HEXA: variants seen among roughly 807,000 people sequenced by gnomAD.
The protein encoded by HEXA is hexosaminidase subunit alpha.
HEXA carries 54 observed loss-of-function variants against 73.3 expected under a neutral mutation model. The ratio of observed to expected loss-of-function variants is 0.74; its 90% CI spans 0.59 to 0.92. The LOEUF (loss-of-function observed/expected upper bound fraction) is 0.92. Ranked by LOEUF, HEXA falls within the 40% of genes least tolerant of loss-of-function variation. HEXA has a pLI of 0.00. For synonymous variants in HEXA, 230 were observed against 246.9 expected, an observed-to-expected ratio of 0.93 and a Z score of 0.64; for missense variants, 649 against 653.0, an observed-to-expected ratio of 0.99 and a Z score of 0.07.
intron 1 of HEXA, 80 bp downstream of exon 1, chr15:72,375,640 C>T (rs2089053357): frequency 1.3e-6 from 2 of 1,526,656 alleles, no homozygotes; most frequent in East Asian, 4.5e-5. Context: ...GCCCATAGGG[C>T]GTCTCTGGAG....
intron 1 of HEXA, 73 bp downstream of exon 1, chr15:72,375,647 G>C: frequency 6.4e-7 from 1 of 1,573,928 alleles, no homozygotes; most frequent in Non-Finnish European, 8.7e-7. Flanking sequence ...GGGCGTCTCT[G>C]GAGCCCTGGG....
At position 72,369,348 on chromosome 15, in the gene HEXA, C is replaced by G. The variant is rs1202683520; in HGVS notation, c.253+6372G>C. On this transcript the variant is annotated intron_variant, in intron 1 of 13. Transcript: ENST00000268097. The stretch of plus-strand genomic sequence containing the variant: ...CTTCACACATACACCTCTCTGACCC[C>G]TACAGACCCAACCTCCTTTCTTCAG... 6.6e-5 allele frequency among the ~76,000 whole-genome samples: 10 copies of G among 152,360 alleles called. No homozygotes were observed. The South Asian group carries it at 1.2e-3, about 19-fold the overall frequency.
Position 72,343,889 on chromosome 15 carries a change from T to G in HEXA, c.*188A>C. Reference sequence around the variant, plus strand: ...TTTAAACACAGGTAATCCATGTTTATTATAGAAAAATGCCACATTACTCTT... The same window carrying G: ...TTTAAACACAGGTAATCCATGTTTAGTATAGAAAAATGCCACATTACTCTT... On this transcript the variant is annotated 3_prime_UTR_variant, in exon 14 of 14. Transcript: ENST00000268097. The G allele has an allele frequency of 1.7e-6, 1 of 581,562 alleles. No individual in the cohort carries two copies. The highest frequency in any genetic ancestry group is 3.1e-6 in the Non-Finnish European group (1 of 322,084). The allele number at this position is 581,562 out of a possible 1,614,324, so 36.0% of individuals were successfully genotyped here.
At position 72,373,035 on chromosome 15, in the gene HEXA, G is replaced by A. The variant is rs146593250; in HGVS notation, c.253+2685C>T. Among the ~76,000 whole-genome samples, 839 of 152,328 alleles carry A rather than the reference G, an allele frequency of 5.5e-3. 12 individuals carry two copies. The highest frequency in any genetic ancestry group is 0.02 in the African/African-American group (811 of 41,572). On this transcript the variant is annotated intron_variant, in intron 1 of 13. Coordinates refer to ENST00000268097, the MANE Select transcript of HEXA (RefSeq NM_000520.6). ...GGTCCCAGCTACTCAGGAGGCTGAG[G>A]TGGGAGAATTGCTTGAGACCGGGAG...
chr15:72,362,415 T>C (rs186278497), intron 1 of HEXA: 24 of 455,772 alleles, frequency 5.3e-5, no homozygotes, highest in Non-Finnish European at 8.8e-5. Context: ...CCAATCTCAG[T>C]GTCTTTGTAT....
rs759837903 is a variant in HEXA at position 72,349,158 on chromosome 15, T to G, written c.907A>C (p.Thr303Pro). The change falls in exon 8 of 14, where the codon ACA becomes CCA. Residue 303 changes from threonine (T) to proline (P), a missense_variant. Physicochemically the swap from Thr to Pro is conservative, Grantham distance 38 (BLOSUM62 -1). Coordinates refer to ENST00000268097, the MANE Select transcript of HEXA (RefSeq NM_000520.6). ...SLNNTYEFMS[T>P]FFLEVSSVFP... ...ACAGAGCTGACTTCTAAGAAGAATG[T>G]GCTCATGAACTCATAGGTATTATTG... The G allele has an allele frequency of 3.1e-6, 5 of 1,613,800 alleles. No homozygotes were observed. Among genetic ancestry groups the G allele is most frequent in the Admixed American group, 3.3e-5 (2 of 60,006 alleles).
Position 72,344,060 on chromosome 15 carries a change from T to C in HEXA, c.*17A>G, listed in dbSNP as rs781430079. On this transcript the variant is annotated 3_prime_UTR_variant, in exon 14 of 14. Coordinates refer to ENST00000268097, the MANE Select transcript of HEXA (RefSeq NM_000520.6). ...TACCATTCACCTACAGCCAGCACCC[T>C]CCTCGGTGCCTGGGGCTCAGGTCTG... 6.2e-7 allele frequency: 1 copy of C among 1,609,960 alleles called. No individual in the cohort carries two copies. The highest frequency in any genetic ancestry group is 8.5e-7 in the Non-Finnish European group (1 of 1,176,406).
intron 8 of HEXA, 73 bp from the exon 9 acceptor site, chr15:72,348,207 G>T: frequency 1.0e-6 from 1 of 1,001,296 alleles, no homozygotes. Context: ...TTAGTCACCT[G>T]GCCCCCTATA....
At position 72,375,855 on chromosome 15, in the gene HEXA, A is replaced by G. The variant is rs772757495; in HGVS notation, c.118T>C (p.Tyr40His). The G allele has an allele frequency of 5.0e-6, 8 of 1,614,138 alleles. 1 individual carries two copies. In the South Asian group the frequency reaches 8.8e-5, roughly 18 times the overall value. ...TACTGGAATTGAAAGTTGTTCGGGT[A>G]AAGGACGTAGCGCTGGTCGGAGGTT... ...FQTSDQRYVL[Y>H]PNNFQFQYDV... Residue 40 changes from tyrosine (Y) to histidine (H), a missense_variant, in exon 1 of 14, where the codon TAC (tyrosine) becomes CAC (histidine). Coordinates refer to ENST00000268097, the MANE Select transcript of HEXA (RefSeq NM_000520.6).
chr15:72,363,043 C>CA (rs1290134515), intron 1 of HEXA, among the ~76,000 whole-genome samples: 5 of 152,154 alleles, frequency 3.3e-5, no homozygotes, highest in African/African-American at 1.2e-4. Context: ...AGGCTGGTGC[C>CA]AAAGTTTGTT....
chr15:72,341,292 A>G lies in HEXA; in HGVS notation c.*2785T>C, dbSNP rs2140316924. 6.6e-6 allele frequency: 1 copy of G among 152,224 alleles called. No homozygotes were observed. Among genetic ancestry groups the G allele is most frequent in the African/African-American group, 2.4e-5 (1 of 41,540 alleles). 9.4% of individuals were successfully genotyped at this position (152,224 alleles called of 1,614,324 possible). On this transcript the variant is annotated 3_prime_UTR_variant, in exon 14 of 14. Transcript: ENST00000268097. ...GTGCTGTGGTGGCACCTGTGCTCCC[A>G]CATCCTGATATCCTACCCCTACGGC...
At chr15:72,353,600 CT>C (rs1168209941) in intron 4 of HEXA, 90 bp downstream of exon 4, 4 of 1,012,690 alleles carry the variant, frequency 3.9e-6, no homozygotes, top group East Asian at 2.4e-5. Context: ...CACCAGGATC[CT>C]AAGGCAAAAC....
chr15:72,346,603 G>A lies in HEXA; in HGVS notation c.1254C>T (p.Ala418=), dbSNP rs1248988558. 3 of 1,613,990 alleles carry A rather than the reference G, an allele frequency of 1.9e-6. No homozygotes were observed. The highest frequency in any genetic ancestry group is 1.7e-4 in the Middle Eastern group (1 of 6,048). ...TKAGFRALLS[A]PWYLNRISYG... is the part of the protein sequence containing the mutation. ...AGGATATACGGTTCAGGTACCAGGG[G>A]GCAGAGAGAAGGGCCCGGAAGCCGG... The change falls in exon 11 of 14, where the codon GCC becomes GCT. Residue 418 remains alanine (A), a synonymous_variant. Coordinates refer to ENST00000268097, the MANE Select transcript of HEXA (RefSeq NM_000520.6).
chr15:72,365,559 TAGAA>T (rs1468431844), intron 1 of HEXA, among the ~76,000 whole-genome samples: 1 of 152,226 alleles, frequency 6.6e-6, no homozygotes, highest in Non-Finnish European at 1.5e-5. Context: ...TTTGCTTACT[TAGAA>T]AGGCCTCCTC....
intron 1 of HEXA, among the ~76,000 whole-genome samples, chr15:72,362,691 T>C (rs902719284): frequency 6.6e-6 from 1 of 152,136 alleles, no homozygotes; most frequent in Non-Finnish European, 1.5e-5. Flanking sequence ...GATCCATAAA[T>C]TCTAAGATTT....
chr15:72,341,781 T>A lies in HEXA; in HGVS notation c.*2296A>T, dbSNP rs1227273303. 6.6e-6 allele frequency: 1 copy of A among 152,200 alleles called. No individual in the cohort carries two copies. The highest frequency in any genetic ancestry group is 1.9e-4 in the East Asian group (1 of 5,188). The allele number at this position is 152,200 out of a possible 1,614,324, so 9.4% of individuals were successfully genotyped here. ...CGAGGTCTGACGACCTTCAGGTAAA[T>A]GCTCTTATGATCAGTGGACCAAAGG... is the stretch of plus-strand genomic sequence containing the variant. On this transcript the variant is annotated 3_prime_UTR_variant, in exon 14 of 14. Coordinates refer to ENST00000268097, the MANE Select transcript of HEXA (RefSeq NM_000520.6).
chr15:72,364,034 T>C (rs1314779006), intron 1 of HEXA, among the ~76,000 whole-genome samples: 1 of 152,174 alleles, frequency 6.6e-6, no homozygotes, highest in African/African-American at 2.4e-5. Context: ...GGTGGATCAC[T>C]TGAGTTCAAG....
intron 12 of HEXA, 152 bp downstream of exon 12, chr15:72,346,083 C>A: frequency 1.5e-6 from 1 of 671,714 alleles, no homozygotes; most frequent in South Asian, 1.7e-5. Flanking sequence ...GAATATTGCA[C>A]ACAAATCTTC....
chr15:72,351,739 A>C (rs2088699317), intron 5 of HEXA: 1 of 193,038 alleles, frequency 5.2e-6, no homozygotes, highest in South Asian at 1.0e-4. Flanking sequence ...CAGACACAGG[A>C]ACTGGATTGG....
Sources: gnomAD v4.1 joint callset for allele counts (sites outside exome capture counted in the v4.1 genomes callset) on GRCh38, gnomAD v4.1.1 for gene constraint, MANE v1.5 for transcripts, NCBI Gene and HGNC (gene_info 2026-07-23, HGNC 2026-07-21) for gene names.